Variants in ABL2 observed in about 807,000 individuals in gnomAD.
ABL2 encodes tyrosine-protein kinase ABL2.
Under a neutral mutation model 107.7 loss-of-function variants are expected in ABL2, and 49 were observed. The ratio of observed to expected loss-of-function variants is 0.45; its 90% CI spans 0.36 to 0.58. The LOEUF (loss-of-function observed/expected upper bound fraction) is 0.58. Among genes scored for constraint, ABL2 ranks in the 20% least tolerant of loss-of-function variants. The probability of loss-of-function intolerance (pLI) is 0.00; values close to 1 mark genes in which losing one functional copy is unlikely to be tolerated. For synonymous variants in ABL2, 549 were observed against 548.6 expected (o/e 1.00, Z -0.01); for missense variants, 1,245 against 1,457.0 (o/e 0.85, Z 2.37).
intron 1 of ABL2, among the ~76,000 whole-genome samples, chr1:179,140,582 C>CATATA (rs1280422403): frequency 3.9e-5 from 6 of 152,172 alleles, no homozygotes; most frequent in African/African-American, 1.4e-4. Flanking sequence ...GACTCCAGAA[C>CATATA]AGTGTCTACA....
intron 1 of ABL2, among the ~76,000 whole-genome samples, chr1:179,193,616 A>G (rs1278954968): frequency 1.3e-5 from 2 of 151,970 alleles, no homozygotes; most frequent in African/African-American, 4.8e-5. Context: ...ATGTTCACCA[A>G]GCTAGTCTTG....
At chr1:179,123,662 C>A (rs1332277587) in intron 4 of ABL2, among the ~76,000 whole-genome samples, 1 of 152,182 alleles carries the variant, frequency 6.6e-6, no homozygotes, top group Non-Finnish European at 1.5e-5. Flanking sequence ...AAGGGTCTCA[C>A]TCGGTTGCCC....
At chr1:179,149,826 A>C (rs939209331) in intron 1 of ABL2, among the ~76,000 whole-genome samples, 36 of 152,220 alleles carry the variant, frequency 2.4e-4, no homozygotes, top group African/African-American at 8.4e-4. Context: ...CTCATTGATA[A>C]TGCACTTGGT....
chr1:179,139,473 G>A (rs903782183), intron 1 of ABL2, among the ~76,000 whole-genome samples: 3 of 152,126 alleles, frequency 2.0e-5, no homozygotes, highest in African/African-American at 7.2e-5. Context: ...GAGGGTCTGC[G>A]GCTTCATTCT....
intron 1 of ABL2, among the ~76,000 whole-genome samples, chr1:179,185,028 T>TGTA (rs1660604117): frequency 6.6e-6 from 1 of 152,350 alleles, no homozygotes; most frequent in Middle Eastern, 3.4e-3. Flanking sequence ...TAGGCCCCTG[T>TGTA]GTAGTAGTAC....
chr1:179,110,796 T>G, intron 10 of ABL2: 1 of 1,613,960 alleles, frequency 6.2e-7, no homozygotes, highest in Non-Finnish European at 8.5e-7. Flanking sequence ...CTGCTCTGTG[T>G]CTTTTGGTTC....
chr1:179,208,297 C>A lies in ABL2; in HGVS notation c.157+20944G>T, dbSNP rs574598338. Reference sequence around the variant, plus strand: ...CCCAACAGGTTTTTCAACCCTTGCCCCCCCCATTCCTTCCCCTCTAATAGT... The same window carrying A: ...CCCAACAGGTTTTTCAACCCTTGCCACCCCCATTCCTTCCCCTCTAATAGT... On this transcript the variant is annotated intron_variant, in intron 1 of 11. Transcript: ENST00000502732. 2.6e-5 allele frequency among the ~76,000 whole-genome samples: 4 copies of A among 151,896 alleles called. No individual in the cohort carries two copies. The South Asian group carries it at 8.3e-4, about 32-fold the overall frequency.
rs1182082286 is a variant in ABL2, at chr1:179,104,171, TA to T, written c.*3546del. On this transcript the variant is annotated 3_prime_UTR_variant, in exon 12 of 12. Coordinates refer to ENST00000502732, the MANE Select transcript of ABL2 (RefSeq NM_007314.4). ...TTGTGTGCCAGGCACTTGAGCTAAG[TA>T]TCTTACAAATATCATCTCATTTAAT... The T allele has an allele frequency of 1.7e-5, 4 of 231,606 alleles. No individual in the cohort carries two copies. Among genetic ancestry groups the T allele is most frequent in the African/African-American group, 8.8e-5 (4 of 45,288 alleles). The allele number at this position is 231,606 out of a possible 1,614,324, so 14.3% of individuals were successfully genotyped here.
chr1:179,168,488 G>GGACT (rs1240615710), intron 1 of ABL2, among the ~76,000 whole-genome samples: 4 of 152,036 alleles, frequency 2.6e-5, no homozygotes, highest in African/African-American at 9.7e-5. Context: ...GAGATGTGAA[G>GGACT]GACTGACTGT....
intron 1 of ABL2, among the ~76,000 whole-genome samples, chr1:179,162,093 T>C (rs756343464): frequency 2.6e-5 from 4 of 152,168 alleles, no homozygotes; most frequent in African/African-American, 7.2e-5. Context: ...TATTCTGTTA[T>C]AGCAACGCAA....
chr1:179,159,719 G>A lies in ABL2; in HGVS notation c.158-26345C>T, dbSNP rs28914489. Among the ~76,000 whole-genome samples the A allele has an allele frequency of 6.1e-3, 925 of 152,266 alleles. 15 individuals carry two copies. Among genetic ancestry groups the A allele is most frequent in the African/African-American group, 0.022 (900 of 41,552 alleles). On this transcript the variant is annotated intron_variant, in intron 1 of 11. Coordinates refer to ENST00000502732, the MANE Select transcript of ABL2 (RefSeq NM_007314.4). The stretch of plus-strand genomic sequence containing the variant: ...CAAATACGGGTTTAAATGATGTAAT[G>A]AAGTACAGGCTTTTCTGAAACTGCT...
chr1:179,165,238 G>C (rs1400665595), intron 1 of ABL2, among the ~76,000 whole-genome samples: 7 of 152,164 alleles, frequency 4.6e-5, no homozygotes, highest in Admixed American at 2.0e-4. Flanking sequence ...GCCAACTACT[G>C]TAACAGGAAC....
At chr1:179,109,522 G>A in intron 11 of ABL2, 81 bp from the exon 12 acceptor site, 9 of 1,515,740 alleles carry the variant, frequency 5.9e-6, no homozygotes, top group Non-Finnish European at 6.1e-6. Flanking sequence ...TGCATTATGA[G>A]TTTTGTCAGC....
chr1:179,167,283 A>C (rs576740288), intron 1 of ABL2, among the ~76,000 whole-genome samples: 1 of 152,358 alleles, frequency 6.6e-6, no homozygotes, highest in South Asian at 2.1e-4. Context: ...ACTGAGGGTC[A>C]TTATGTTAAG....
At chr1:179,156,947 A>G (rs1658735223) in intron 1 of ABL2, among the ~76,000 whole-genome samples, 1 of 152,000 alleles carries the variant, frequency 6.6e-6, no homozygotes, top group Non-Finnish European at 1.5e-5. Context: ...CTATTAAATT[A>G]ATTTTTAATA....
chr1:179,121,643 A>G lies in ABL2; in HGVS notation c.912T>C (p.Val304=). 6.2e-7 allele frequency: 1 copy of G among 1,614,228 alleles called. No homozygotes were observed. Among genetic ancestry groups the G allele is most frequent in the South Asian group, 1.1e-5 (1 of 91,090 alleles). Residue 304 remains valine, a synonymous_variant, in exon 5 of 12, where the codon GTT becomes GTC. Transcript: ENST00000502732. ...LGGGQYGEVY[V]GVWKKYSLTV... Reference sequence around the variant, plus strand: ...TAAGGCTGTATTTCTTCCAGACGCCAACGTAAACCTCTCCATACTGACCGC... The same window carrying G: ...TAAGGCTGTATTTCTTCCAGACGCCGACGTAAACCTCTCCATACTGACCGC...
intron 1 of ABL2, among the ~76,000 whole-genome samples, chr1:179,156,192 T>G (rs960331962): frequency 6.6e-6 from 1 of 152,216 alleles, no homozygotes; most frequent in African/African-American, 2.4e-5. Flanking sequence ...GGTATGTCTA[T>G]ATGTATATAC....
intron 1 of ABL2, chr1:179,221,193 G>A (rs544081132): frequency 4.0e-5 from 9 of 222,656 alleles, no homozygotes; most frequent in Non-Finnish European, 8.4e-5. Context: ...GTAGGCCAAC[G>A]GGCTAAAAGA....
intron 1 of ABL2, among the ~76,000 whole-genome samples, chr1:179,202,569 T>C (rs1661733861): frequency 6.6e-6 from 1 of 152,234 alleles, no homozygotes; most frequent in Non-Finnish European, 1.5e-5. Flanking sequence ...TCCTTAGTTT[T>C]TGGTTACACC....
Sources: allele counts gnomAD v4.1 joint callset (sites outside exome capture counted in the v4.1 genomes callset), GRCh38; gene constraint gnomAD v4.1.1; transcripts MANE v1.5; gene names NCBI Gene and HGNC (gene_info 2026-07-23, HGNC 2026-07-21).